GLCCI1: variants seen among roughly 807,000 people sequenced by gnomAD.
GLCCI1 encodes the protein glucocorticoid-induced transcript 1 protein.
Under a neutral mutation model 52.2 loss-of-function variants are expected in GLCCI1, and 24 were observed. That is an observed-to-expected ratio of 0.46 (90% CI 0.33 to 0.65). The LOEUF (loss-of-function observed/expected upper bound fraction) is 0.65, where lower values mean the gene tolerates loss of function less well. GLCCI1 is among the 30% of genes least tolerant of loss of function. The pLI is 0.02. For missense variants in GLCCI1, 704 were observed against 701.5 expected, an observed-to-expected ratio of 1.00 and a Z score of -0.04; for synonymous variants, 310 against 276.5, an observed-to-expected ratio of 1.12 and a Z score of -1.20.
intron 1 of GLCCI1, among the ~76,000 whole-genome samples, chr7:7,989,408 G>C (rs1000929250): frequency 6.6e-6 from 1 of 152,242 alleles, no homozygotes; most frequent in Middle Eastern, 3.4e-3. Context: ...TAAAATGTCA[G>C]AGCATAGAAA....
At chr7:7,981,004 T>G in intron 1 of GLCCI1, 1 of 540,714 alleles carries the variant, frequency 1.8e-6, no homozygotes. Flanking sequence ...CAAACGAAGG[T>G]CAGCCGAAGA....
At chr7:8,009,301 C>T (rs1781214119) in intron 2 of GLCCI1, among the ~76,000 whole-genome samples, 1 of 152,192 alleles carries the variant, frequency 6.6e-6, no homozygotes, top group African/African-American at 2.4e-5. Flanking sequence ...CCTCAGTCTT[C>T]ACCCCATAGT....
At chr7:8,016,159 A>G (rs1373528532) in intron 2 of GLCCI1, among the ~76,000 whole-genome samples, 1 of 152,212 alleles carries the variant, frequency 6.6e-6, no homozygotes, top group Non-Finnish European at 1.5e-5. Flanking sequence ...TTTTTACGTT[A>G]GAGACATTAT....
At chr7:8,011,116 C>T (rs1167872093) in intron 2 of GLCCI1, among the ~76,000 whole-genome samples, 1 of 150,670 alleles carries the variant, frequency 6.6e-6, no homozygotes, top group Non-Finnish European at 1.5e-5. Context: ...GAGACTCTGT[C>T]TCCTCCCACA....
intron 6 of GLCCI1, 109 bp downstream of exon 6, chr7:8,071,240 T>C (rs1041277207): frequency 1.2e-6 from 1 of 857,350 alleles, no homozygotes; most frequent in Non-Finnish European, 1.8e-6. Flanking sequence ...GGTGACATTG[T>C]CAAAGATTGG....
chr7:7,991,329 C>G (rs571724665), intron 1 of GLCCI1, among the ~76,000 whole-genome samples: 11 of 152,158 alleles, frequency 7.2e-5, no homozygotes, highest in East Asian at 3.9e-4. Flanking sequence ...AAGGGCTATT[C>G]ACTTGTCTAG....
intron 3 of GLCCI1, among the ~76,000 whole-genome samples, chr7:8,032,989 A>G (rs900252717): frequency 5.3e-5 from 8 of 151,954 alleles, no homozygotes; most frequent in African/African-American, 1.7e-4. Context: ...TTGAATATAA[A>G]TATAAAATTA....
At chr7:7,981,865 C>G in intron 1 of GLCCI1, 1 of 450,976 alleles carries the variant, frequency 2.2e-6, no homozygotes, top group South Asian at 1.6e-5. Context: ...GATGAGCAGG[C>G]AGAAGACTCC....
chr7:8,083,397 T>G (rs1783038453), intron 6 of GLCCI1, among the ~76,000 whole-genome samples: 1 of 152,064 alleles, frequency 6.6e-6, no homozygotes, highest in Non-Finnish European at 1.5e-5. Context: ...TGTTTGTTTT[T>G]ATTCATGGAC....
intron 3 of GLCCI1, among the ~76,000 whole-genome samples, chr7:8,038,437 A>G (rs932595868): frequency 6.6e-6 from 1 of 152,346 alleles, no homozygotes; most frequent in African/African-American, 2.4e-5. Context: ...AATCAGTGGA[A>G]CAAAATAGAG....
chr7:8,052,989 A>G (rs1301299993), intron 3 of GLCCI1, among the ~76,000 whole-genome samples: 1 of 148,658 alleles, frequency 6.7e-6, no homozygotes, highest in African/African-American at 2.5e-5. Context: ...TTTGAGGATA[A>G]GGGTTTTGGT....
intron 1 of GLCCI1, among the ~76,000 whole-genome samples, chr7:8,000,866 C>CT (rs368042392): frequency 0.016 from 2,434 of 151,938 alleles, 55 homozygotes; most frequent in East Asian, 0.086. Context: ...GCAATCCCTG[C>CT]TTTTTTTTGC....
intron 6 of GLCCI1, 137 bp downstream of exon 6, chr7:8,071,268 G>T (rs1782755802): frequency 5.8e-6 from 4 of 693,874 alleles, no homozygotes; most frequent in Non-Finnish European, 9.4e-6. Flanking sequence ...AGGTTTCTTT[G>T]TTCATTGGTT....
At chr7:8,023,412 A>T (rs992901108) in intron 3 of GLCCI1, among the ~76,000 whole-genome samples, 3 of 151,630 alleles carry the variant, frequency 2.0e-5, no homozygotes, top group Admixed American at 6.6e-5. Flanking sequence ...ATTATGAATA[A>T]CCTGAGGTGT....
intron 1 of GLCCI1, among the ~76,000 whole-genome samples, chr7:7,988,243 C>A (rs1342668245): frequency 6.6e-6 from 1 of 152,170 alleles, no homozygotes; most frequent in Non-Finnish European, 1.5e-5. Flanking sequence ...GAAAGTTCAA[C>A]TAGTGTTACG....
chr7:8,076,507 C>T (rs552383598), intron 6 of GLCCI1, among the ~76,000 whole-genome samples: 1 of 152,280 alleles, frequency 6.6e-6, no homozygotes, highest in East Asian at 1.9e-4. Context: ...CAGTGTCTAA[C>T]AGCACAAAAT....
At chr7:8,020,033 AT>A (rs1199996345) in intron 2 of GLCCI1, among the ~76,000 whole-genome samples, 1 of 152,176 alleles carries the variant, frequency 6.6e-6, no homozygotes. Context: ...TTACCATAAC[AT>A]TTTTACTTCA....
chr7:8,004,747 T>C (rs1379326054), intron 2 of GLCCI1, among the ~76,000 whole-genome samples: 3 of 152,210 alleles, frequency 2.0e-5, no homozygotes, highest in African/African-American at 4.8e-5. Flanking sequence ...GAGATACACA[T>C]TTATAAAAAT....
intron 6 of GLCCI1, among the ~76,000 whole-genome samples, chr7:8,080,018 A>G (rs904053263): frequency 2.0e-5 from 3 of 151,478 alleles, no homozygotes; most frequent in Non-Finnish European, 4.4e-5. Flanking sequence ...CTCTTTGTAA[A>G]AGCCAAATGT....
Sources: allele counts gnomAD v4.1 joint callset (sites outside exome capture counted in the v4.1 genomes callset), GRCh38; gene constraint gnomAD v4.1.1; transcripts MANE v1.5; gene names NCBI Gene and HGNC (gene_info 2026-07-23, HGNC 2026-07-21).